The following CTIF variants were observed in gnomAD, a reference collection of about 807,000 sequenced individuals.
The protein encoded by CTIF is cap binding complex dependent translation initiation factor.
CTIF carries 21 observed loss-of-function variants against 66.0 expected under a neutral mutation model. The observed-to-expected ratio is 0.32, with a 90% CI of 0.23 to 0.46. CTIF has a LOEUF of 0.46. Ranked by LOEUF, CTIF falls within the 20% of genes least tolerant of loss-of-function variation. The pLI, the probability that CTIF is intolerant of heterozygous loss-of-function variation, is 1.00. For missense variants in CTIF, 739 were observed against 812.7 expected (o/e 0.91, Z 1.10); for synonymous variants, 345 against 326.4 (o/e 1.06, Z -0.62).
intron 1 of CTIF, among the ~76,000 whole-genome samples, chr18:48,612,343 C>T (rs2090322429): frequency 6.6e-6 from 1 of 152,222 alleles, no homozygotes; most frequent in African/African-American, 2.4e-5. Flanking sequence ...GGCAGCATGG[C>T]CTCTGGACTG....
intron 9 of CTIF, among the ~76,000 whole-genome samples, chr18:48,782,675 A>G (rs1405295637): frequency 6.6e-6 from 1 of 152,190 alleles, no homozygotes; most frequent in African/African-American, 2.4e-5. Context: ...GGCTCTGGGA[A>G]GCTGCAGGCG....
intron 9 of CTIF, among the ~76,000 whole-genome samples, chr18:48,795,965 AG>A (rs2067907093): frequency 6.6e-6 from 1 of 152,154 alleles, no homozygotes; most frequent in South Asian, 2.1e-4. Context: ...AGGACAGGGA[AG>A]AGAAGCAATC....
At chr18:48,824,486 G>A (rs777257037) in intron 10 of CTIF, among the ~76,000 whole-genome samples, 3 of 152,050 alleles carry the variant, frequency 2.0e-5, no homozygotes, top group African/African-American at 7.2e-5. Flanking sequence ...CACCTCCTCC[G>A]CCTCTCCGTG....
intron 1 of CTIF, among the ~76,000 whole-genome samples, chr18:48,582,729 G>T (rs1039572165): frequency 6.6e-6 from 1 of 152,116 alleles, no homozygotes; most frequent in African/African-American, 2.4e-5. Flanking sequence ...GCTGCTCTGC[G>T]CTAATAAACG....
intron 6 of CTIF, among the ~76,000 whole-genome samples, chr18:48,702,387 A>G (rs2092095846): frequency 6.6e-6 from 1 of 152,158 alleles, no homozygotes; most frequent in African/African-American, 2.4e-5. Flanking sequence ...ATTCACGTGC[A>G]CTTTTAAGGG....
At chr18:48,702,629 T>C (rs1252529445) in intron 6 of CTIF, among the ~76,000 whole-genome samples, 1 of 152,216 alleles carries the variant, frequency 6.6e-6, no homozygotes, top group East Asian at 1.9e-4. Flanking sequence ...TGTTTACTTT[T>C]ATTGTCTATG....
chr18:48,591,740 TTTTTC>T (rs1247111240), intron 1 of CTIF, among the ~76,000 whole-genome samples: 3 of 152,184 alleles, frequency 2.0e-5, no homozygotes, highest in Non-Finnish European at 4.4e-5. Flanking sequence ...GGTGCTGCAC[TTTTTC>T]TTTTCTTTTC....
chr18:48,820,460 A>G (rs2068459041), intron 10 of CTIF, among the ~76,000 whole-genome samples: 1 of 151,918 alleles, frequency 6.6e-6, no homozygotes. Context: ...CCCCAAATCC[A>G]CAGCACCCAC....
At chr18:48,730,712 C>T (rs113368532) in intron 7 of CTIF, among the ~76,000 whole-genome samples, 24,450 of 70,876 alleles carry the variant, frequency 0.34, 6,547 homozygotes, top group Middle Eastern at 0.46. Context: ...GAGGGGCTTC[C>T]GCGGTGTGAG....
chr18:48,645,464 C>T (rs1224091206), intron 3 of CTIF, among the ~76,000 whole-genome samples: 1 of 152,162 alleles, frequency 6.6e-6, no homozygotes, highest in Non-Finnish European at 1.5e-5. Flanking sequence ...CCATCCATCC[C>T]AGCCAAGACC....
chr18:48,724,022 A>G (rs1379974203), intron 7 of CTIF, among the ~76,000 whole-genome samples: 1 of 152,228 alleles, frequency 6.6e-6, no homozygotes, highest in African/African-American at 2.4e-5. Flanking sequence ...GGGGGAAATT[A>G]AGATGAAGTT....
intron 9 of CTIF, among the ~76,000 whole-genome samples, chr18:48,793,305 C>T (rs999780998): frequency 3.2e-4 from 49 of 152,178 alleles, no homozygotes; most frequent in African/African-American, 1.2e-3. Context: ...CTTGACATTT[C>T]CTGGGAAAGT....
At chr18:48,703,129 C>T (rs917797346) in intron 6 of CTIF, among the ~76,000 whole-genome samples, 1 of 152,130 alleles carries the variant, frequency 6.6e-6, no homozygotes, top group African/African-American at 2.4e-5. Context: ...TGGACTTGGC[C>T]TGAGGATCTG....
intron 1 of CTIF, among the ~76,000 whole-genome samples, chr18:48,590,752 C>G (rs1181911539): frequency 6.6e-6 from 1 of 152,230 alleles, no homozygotes; most frequent in Non-Finnish European, 1.5e-5. Flanking sequence ...TTTCGGATGA[C>G]TTCCTGCCCC....
chr18:48,554,920 C>A (rs1472144021), intron 1 of CTIF, among the ~76,000 whole-genome samples: 1 of 152,204 alleles, frequency 6.6e-6, no homozygotes, highest in African/African-American at 2.4e-5. Flanking sequence ...CTCCCAGTAG[C>A]CCTGGCTGTG....
chr18:48,711,945 C>T (rs554301151), intron 7 of CTIF, among the ~76,000 whole-genome samples: 24 of 152,296 alleles, frequency 1.6e-4, no homozygotes, highest in African/African-American at 5.1e-4. Context: ...TCACCACTGC[C>T]TCTTCCTGGG....
At chr18:48,791,666 C>T (rs1031972337) in intron 9 of CTIF, among the ~76,000 whole-genome samples, 1 of 152,228 alleles carries the variant, frequency 6.6e-6, no homozygotes, top group African/African-American at 2.4e-5. Flanking sequence ...AAGCAGCCTG[C>T]CCCGTCTCAA....
At chr18:48,841,426 G>A (rs1306523388) in intron 10 of CTIF, among the ~76,000 whole-genome samples, 1 of 152,210 alleles carries the variant, frequency 6.6e-6, no homozygotes, top group Admixed American at 6.5e-5. Flanking sequence ...CCCCGGCTCA[G>A]CCCAGCTCCT....
Position 48,714,615 on chromosome 18 carries a change from A to G in CTIF, c.584+2920A>G, listed in dbSNP as rs145291234. Among the ~76,000 whole-genome samples the G allele has an allele frequency of 2.5e-3, 385 of 152,280 alleles. 1 individual carries two copies. The highest frequency in any genetic ancestry group is 8.7e-3 in the African/African-American group (362 of 41,548). ...GGACCTAAAGTCCTAGGCTTCATCA[A>G]AGTCTGTGTCCCATCCCAGTTCCAG... On this transcript the variant is annotated intron_variant, in intron 7 of 11. Coordinates refer to ENST00000256413, the MANE Select transcript of CTIF (RefSeq NM_014772.3).
Sources: allele counts gnomAD v4.1 joint callset (sites outside exome capture counted in the v4.1 genomes callset), GRCh38; gene constraint gnomAD v4.1.1; transcripts MANE v1.5; gene names NCBI Gene and HGNC (gene_info 2026-07-23, HGNC 2026-07-21).